Variants in CENPF observed in about 807,000 individuals in gnomAD.
CENPF encodes the protein centromere protein F.
A neutral mutation model predicts 307.3 loss-of-function variants in CENPF; 214 were observed. That is an observed-to-expected ratio of 0.70 (90% CI 0.62 to 0.78). The LOEUF (loss-of-function observed/expected upper bound fraction) is 0.78, where lower values mean the gene tolerates loss of function less well. Ranked by LOEUF, CENPF falls within the 30% of genes least tolerant of loss-of-function variation. CENPF has a pLI of 0.00. For synonymous variants in CENPF, 1,259 were observed against 1,270.6 expected (o/e 0.99, Z 0.19); for missense variants, 3,401 against 3,483.9 (o/e 0.98, Z 0.60).
At chr1:214,623,344 G>C (rs1459962503) in intron 7 of CENPF, among the ~76,000 whole-genome samples, 1 of 152,116 alleles carries the variant, frequency 6.6e-6, no homozygotes, top group African/African-American at 2.4e-5. Flanking sequence ...ATCTAGAGAT[G>C]ATTTAAAGTG....
At position 214,647,331 on chromosome 1, in the gene CENPF, G is replaced by T. The variant is rs752898349; in HGVS notation, c.7761G>T (p.Gln2587His). 5.0e-6 allele frequency: 8 copies of T among 1,613,724 alleles called. No individual in the cohort carries two copies. In the African/African-American group the frequency reaches 9.3e-5, roughly 19 times the overall value. The change falls in exon 13 of 20, where the codon CAG (glutamine) becomes CAT (histidine). Residue 2587 changes from glutamine (Q) to histidine (H), a missense_variant. Gln to His is a conservative substitution (Grantham distance 24). Transcript: ENST00000366955. ...ASLQDTLEVL[Q>H]SSYKNLENEL... is the part of the protein sequence containing the mutation. The stretch of plus-strand genomic sequence containing the variant: ...TGCAGGACACATTAGAAGTGCTGCA[G>T]AGTTCTTACAAGAATCTAGAGAATG...
rs1300591264 is a variant in CENPF at position 214,622,154 on chromosome 1, A to C, written c.941A>C (p.Lys314Thr). 2 of 1,613,994 alleles carry C rather than the reference A, an allele frequency of 1.2e-6. No individual in the cohort carries two copies. The highest frequency in any genetic ancestry group is 1.7e-6 in the Non-Finnish European group (2 of 1,179,988). The part of the protein sequence containing the change: ...HEKEMKGQVN[K>T]FQELQLQLEK... ...AAAGAAATGAAAGGCCAAGTGAATA[A>C]GTTTCAAGAACTCCAACTCCAACTG... Residue 314 changes from lysine (K) to threonine (T), a missense_variant, in exon 7 of 20, where the codon AAG (lysine) becomes ACG (threonine). Coordinates refer to ENST00000366955, the MANE Select transcript of CENPF (RefSeq NM_016343.4).
At position 214,657,187 on chromosome 1, in the gene CENPF, C is replaced by T. The variant is rs1658659613; in HGVS notation, c.8740C>T (p.Pro2914Ser). Residue 2914 changes from proline (P) to serine (S), a missense_variant, in exon 18 of 20, where the codon CCT becomes TCT. Pro to Ser is a moderately conservative substitution (Grantham distance 74). Transcript: ENST00000366955. ...GPVVPGPSPI[P>S]SVTEKRLSSG... Reference sequence around the variant, plus strand: ...AGTTGTTCCAGGACCATCTCCAATCCCTTCTGTTACTGAAAAGAGGTTATC... The same window carrying T: ...AGTTGTTCCAGGACCATCTCCAATCTCTTCTGTTACTGAAAAGAGGTTATC... The T allele has an allele frequency of 6.2e-7, 1 of 1,614,136 alleles. No homozygotes were observed. Among genetic ancestry groups the T allele is most frequent in the Non-Finnish European group, 8.5e-7 (1 of 1,180,012 alleles).
intron 1 of CENPF, chr1:214,605,406 C>G (rs1656993508): frequency 2.3e-6 from 1 of 436,870 alleles, no homozygotes; most frequent in African/African-American, 2.0e-5. Flanking sequence ...CAAGGTCATA[C>G]ATCCGTAAGT....
chr1:214,652,890 A>T lies in CENPF; in HGVS notation c.8223A>T (p.Ser2741=). 6.2e-7 allele frequency: 1 copy of T among 1,609,464 alleles called. No homozygotes were observed. The highest frequency in any genetic ancestry group is 1.1e-5 in the South Asian group (1 of 89,788). The change falls in exon 16 of 20, where the codon TCA becomes TCT. Residue 2741 remains serine, a synonymous_variant. Transcript: ENST00000366955. ...CTTCTAAAGAAGAATGTCTCAGTTC[A>T]CAGAAGCTGGAGATAGACCTTTTAA... ...KLTSKEECLS[S]QKLEIDLLKS... is the part of the protein sequence containing the mutation.
In CENPF at chr1:214,646,993, G is replaced by A; in HGVS notation, c.7423G>A (p.Val2475Ile). ...KAKEQNLSSQ[V>I]ECLELEKAQL... The stretch of plus-strand genomic sequence containing the variant: ...CAAAGAGCAGAATCTTAGTAGTCAA[G>A]TAGAGTGTCTTGAACTTGAGAAGGC... The change falls in exon 13 of 20, where the codon GTA becomes ATA. Residue 2475 changes from valine to isoleucine, a missense_variant. By Grantham distance (29) the Val-to-Ile change is conservative. Coordinates refer to ENST00000366955, the MANE Select transcript of CENPF (RefSeq NM_016343.4). 2.5e-6 allele frequency: 4 copies of A among 1,614,072 alleles called. No homozygotes were observed. Among genetic ancestry groups the A allele is most frequent in the Non-Finnish European group, 2.5e-6 (3 of 1,179,992 alleles).
intron 7 of CENPF, among the ~76,000 whole-genome samples, chr1:214,627,773 T>C (rs890449788): frequency 1.3e-5 from 2 of 152,208 alleles, no homozygotes; most frequent in Non-Finnish European, 2.9e-5. Context: ...TCTACTCTTT[T>C]CTGTCTTGTC....
Position 214,663,717 on chromosome 1 carries a change from G to A in CENPF, c.9268G>A (p.Val3090Ile). Residue 3090 changes from valine (V) to isoleucine (I), a missense_variant, in exon 20 of 20, where the codon GTC becomes ATC. Coordinates refer to ENST00000366955, the MANE Select transcript of CENPF (RefSeq NM_016343.4). ...PTDSPREGLR[V>I]KRGRLVPSPK... ...TGACAGCCCCAGAGAGGGCCTGAGGGTCAAGCGAGGCCGACTTGTCCCCAG... is the reference window on the plus strand; with the variant it reads ...TGACAGCCCCAGAGAGGGCCTGAGGATCAAGCGAGGCCGACTTGTCCCCAG... 1.2e-6 allele frequency: 2 copies of A among 1,614,116 alleles called. No homozygotes were observed. The highest frequency in any genetic ancestry group is 1.7e-6 in the Non-Finnish European group (2 of 1,180,034).
At chr1:214,661,403 A>G (rs1483969178) in intron 19 of CENPF, among the ~76,000 whole-genome samples, 1 of 152,198 alleles carries the variant, frequency 6.6e-6, no homozygotes, top group Non-Finnish European at 1.5e-5. Flanking sequence ...ACTTAGTTTT[A>G]AAAATCTAGA....
chr1:214,625,295 A>G (rs888496535), intron 7 of CENPF, among the ~76,000 whole-genome samples: 1 of 151,986 alleles, frequency 6.6e-6, no homozygotes, highest in African/African-American at 2.4e-5. Context: ...GCTCACTGCA[A>G]TCTCTGCCTC....
intron 14 of CENPF, 74 bp from the exon 15 acceptor site, chr1:214,651,636 T>A (rs1658463002): frequency 8.4e-7 from 1 of 1,188,430 alleles, no homozygotes; most frequent in Non-Finnish European, 1.2e-6. Flanking sequence ...ACAGTACACA[T>A]TATTTCCTAA....
chr1:214,645,032 A>G lies in CENPF; in HGVS notation c.5462A>G (p.Lys1821Arg), dbSNP rs201865220. Residue 1821 changes from lysine (K) to arginine (R), a missense_variant, in exon 13 of 20, where the codon AAA becomes AGA. By Grantham distance (26) the Lys-to-Arg change is conservative (BLOSUM62 2). Coordinates refer to ENST00000366955, the MANE Select transcript of CENPF (RefSeq NM_016343.4). ...TTACAGGAGGTACAACTAATGACCA[A>G]AATTGAAGCATGCATAGAATTGGAA... ...LHLQEVQLMT[K>R]IEACIELEKI... 2.5e-6 allele frequency: 4 copies of G among 1,613,896 alleles called. No individual in the cohort carries two copies. Among genetic ancestry groups the G allele is most frequent in the East Asian group, 2.2e-5 (1 of 44,848 alleles).
At chr1:214,631,906 A>G (rs1055801894) in intron 9 of CENPF, among the ~76,000 whole-genome samples, 1 of 152,178 alleles carries the variant, frequency 6.6e-6, no homozygotes, top group African/African-American at 2.4e-5. Context: ...CATCCTTGCT[A>G]ATTGGAGGTA....
At chr1:214,644,335 A>G (rs2102563904) in intron 12 of CENPF, among the ~76,000 whole-genome samples, 1 of 152,394 alleles carries the variant, frequency 6.6e-6, no homozygotes, top group South Asian at 2.1e-4. Context: ...TTCAAGATAA[A>G]TGCCTAACCC....
Position 214,646,492 on chromosome 1 carries a change from G to T in CENPF, c.6922G>T (p.Ala2308Ser). ...QLRNSIEKLR[A>S]RLEADEKKQL... is the part of the protein sequence containing the mutation. ...GAGAAATAGCATTGAAAAGCTGAGAGCCCGCCTAGAAGCTGATGAAAAGAA... is the reference window on the plus strand; with the variant it reads ...GAGAAATAGCATTGAAAAGCTGAGATCCCGCCTAGAAGCTGATGAAAAGAA... Residue 2308 changes from alanine to serine, a missense_variant, in exon 13 of 20, where the codon GCC (alanine) becomes TCC (serine). Coordinates refer to ENST00000366955, the MANE Select transcript of CENPF (RefSeq NM_016343.4). 1.2e-6 allele frequency: 2 copies of T among 1,614,112 alleles called. No homozygotes were observed. Among genetic ancestry groups the T allele is most frequent in the Non-Finnish European group, 1.7e-6 (2 of 1,179,998 alleles).
In CENPF at chr1:214,640,053, A is replaced by G. The variant is rs779692969; in HGVS notation, c.1715A>G (p.Asp572Gly). ...DLEKQRDCSQ[D>G]LLKKREHHIE... The stretch of plus-strand genomic sequence containing the variant: ...GAAAAGCAGCGAGATTGTTCTCAAG[A>G]CCTTTTGAAGAAAAGAGAACATCAC... The change falls in exon 12 of 20, where the codon GAC becomes GGC. Residue 572 changes from aspartate to glycine, a missense_variant. Coordinates refer to ENST00000366955, the MANE Select transcript of CENPF (RefSeq NM_016343.4). 8 of 1,602,496 alleles carry G rather than the reference A, an allele frequency of 5.0e-6. 1 individual carries two copies. The highest frequency in any genetic ancestry group is 6.8e-6 in the Non-Finnish European group (8 of 1,177,436).
In CENPF at chr1:214,663,888, A is replaced by C; in HGVS notation, c.*94A>C. 1.1e-6 allele frequency: 1 copy of C among 919,218 alleles called. No homozygotes were observed. Among genetic ancestry groups the C allele is most frequent in the Non-Finnish European group, 1.6e-6 (1 of 609,986 alleles). The allele number at this position is 919,218 out of a possible 1,614,324, so 56.9% of individuals were successfully genotyped here. Reference sequence around the variant, plus strand: ...CTTCTCTTTAGTCAGGGCATGCTTTATTAGTGAGGAGAAAACAATTCCTTA... The same window carrying C: ...CTTCTCTTTAGTCAGGGCATGCTTTCTTAGTGAGGAGAAAACAATTCCTTA... On this transcript the variant is annotated 3_prime_UTR_variant, in exon 20 of 20. Transcript: ENST00000366955.
intron 2 of CENPF, among the ~76,000 whole-genome samples, chr1:214,614,432 G>A (rs1657281798): frequency 6.6e-6 from 1 of 152,008 alleles, no homozygotes; most frequent in South Asian, 2.1e-4. Flanking sequence ...CTCTCTATTA[G>A]CCAACTAAAT....
intron 14 of CENPF, among the ~76,000 whole-genome samples, chr1:214,649,042 A>C (rs779921771): frequency 6.6e-6 from 1 of 152,238 alleles, no homozygotes; most frequent in Non-Finnish European, 1.5e-5. Flanking sequence ...CTCTGAACAC[A>C]TGAAAGTATC....
Sources: gnomAD v4.1 joint callset for allele counts (sites outside exome capture counted in the v4.1 genomes callset) on GRCh38, gnomAD v4.1.1 for gene constraint, MANE v1.5 for transcripts, NCBI Gene and HGNC (gene_info 2026-07-23, HGNC 2026-07-21) for gene names.